Variants in CBL observed in about 807,000 individuals in gnomAD.
CBL encodes the protein E3 ubiquitin-protein ligase CBL.
Under a neutral mutation model 96.9 loss-of-function variants are expected in CBL, and 45 were observed. The observed-to-expected ratio is 0.46, with a 90% confidence interval of 0.37 to 0.60. The LOEUF is 0.60. CBL is among the 20% of genes least tolerant of loss of function. The pLI, the probability that CBL is intolerant of heterozygous loss-of-function variation, is 0.00. For synonymous variants in CBL, 420 were observed against 426.8 expected (o/e 0.98, Z 0.20); for missense variants, 1,024 against 1,143.5 (o/e 0.90, Z 1.51).
At chr11:119,210,603 A>ATTTTTTTTT (rs768564444) in intron 1 of CBL, among the ~76,000 whole-genome samples, 3 of 98,650 alleles carry the variant, frequency 3.0e-5, no homozygotes, top group African/African-American at 4.3e-5. Context: ...TAATTTTTCA[A>ATTTTTTTTT]TTTTTTTTTT....
intron 1 of CBL, 34 bp downstream of exon 1, chr11:119,206,646 G>A: frequency 6.5e-7 from 1 of 1,538,846 alleles, no homozygotes; most frequent in Non-Finnish European, 8.8e-7. Context: ...CTGTTGCAGG[G>A]TGGGCGTGGG....
chr11:119,276,356 T>G (rs1036327632), intron 6 of CBL, among the ~76,000 whole-genome samples: 2 of 152,190 alleles, frequency 1.3e-5, no homozygotes, highest in Admixed American at 6.5e-5. Flanking sequence ...GTTATTACCA[T>G]AAATAAACTT....
chr11:119,287,747 G>A (rs1949994715), intron 11 of CBL, 105 bp from the exon 12 acceptor site: 2 of 782,738 alleles, frequency 2.6e-6, no homozygotes, highest in African/African-American at 3.4e-5. Context: ...ATGGCATTGA[G>A]AGTTAGGTTT....
At chr11:119,209,352 T>A (rs1030762230) in intron 1 of CBL, among the ~76,000 whole-genome samples, 4 of 152,220 alleles carry the variant, frequency 2.6e-5, no homozygotes, top group African/African-American at 9.6e-5. Context: ...GCCCCGTGGC[T>A]CACGCTTGTA....
chr11:119,280,563 C>G (rs1949925311), intron 9 of CBL, among the ~76,000 whole-genome samples: 1 of 151,940 alleles, frequency 6.6e-6, no homozygotes, highest in African/African-American at 2.4e-5. Flanking sequence ...TTTTAATATA[C>G]TGAATCTACT....
chr11:119,217,963 G>A (rs536760509), intron 1 of CBL, among the ~76,000 whole-genome samples: 2 of 152,156 alleles, frequency 1.3e-5, no homozygotes, highest in African/African-American at 2.4e-5. Flanking sequence ...TTTAGTCCCA[G>A]ATACTCAGGA....
rs1282405252 is a variant in CBL, at chr11:119,278,607, T to G, written c.1325T>G (p.Leu442Arg). ...TTTGATCCTAGAGGGAGTGGCAGCC[T>G]GTTGAGGCAAGGAGCAGAGGGAGCT... ...DPFDPRGSGS[L>R]LRQGAEGAPS... is the part of the protein sequence containing the mutation. The change falls in exon 9 of 16, where the codon CTG becomes CGG. Residue 442 changes from leucine to arginine, a missense_variant. Around this residue, in one of 4 missense-constraint regions of CBL, gnomAD observed 695 missense variants for 661.6 expected, o/e 1.05. Coordinates refer to ENST00000264033, the MANE Select transcript of CBL (RefSeq NM_005188.4). 6.2e-7 allele frequency: 1 copy of G among 1,614,036 alleles called. No homozygotes were observed. The highest frequency in any genetic ancestry group is 1.1e-5 in the South Asian group (1 of 91,080).
chr11:119,236,920 G>T (rs968148286), intron 2 of CBL, among the ~76,000 whole-genome samples: 1 of 152,042 alleles, frequency 6.6e-6, no homozygotes, highest in African/African-American at 2.4e-5. Context: ...TCAGTTACTG[G>T]CAGTCAACCA....
At chr11:119,297,580 C>G in intron 14 of CBL, 99 bp downstream of exon 14, 1 of 886,372 alleles carries the variant, frequency 1.1e-6, no homozygotes, top group Admixed American at 1.9e-5. Context: ...GCTCAAAATT[C>G]TTCTGTAGCT....
In CBL at chr11:119,285,337, A is replaced by T; in HGVS notation, c.1712A>T (p.Asp571Val). 6.2e-7 allele frequency: 1 copy of T among 1,614,132 alleles called. No homozygotes were observed. ...CGCCCCTTGCCTTGTACACCAGGCG[A>T]CTGTCCCTCCAGAGACAAACTGCCC... ...QRRPLPCTPG[D>V]CPSRDKLPPV... The change falls in exon 11 of 16, where the codon GAC becomes GTC. Residue 571 changes from aspartate (D) to valine (V), a missense_variant. By Grantham distance (152) the Asp-to-Val change is radical. Around this residue, in one of 4 missense-constraint regions of CBL, gnomAD observed 695 missense variants for 661.6 expected, o/e 1.05. Coordinates refer to ENST00000264033, the MANE Select transcript of CBL (RefSeq NM_005188.4).
chr11:119,239,758 T>G (rs1420324091), intron 2 of CBL, among the ~76,000 whole-genome samples: 1 of 152,080 alleles, frequency 6.6e-6, no homozygotes, highest in Non-Finnish European at 1.5e-5. Context: ...TCCTTACATG[T>G]CTTGTTTTTC....
intron 1 of CBL, among the ~76,000 whole-genome samples, chr11:119,216,313 C>CCCT (rs1166756587): frequency 6.6e-6 from 1 of 151,958 alleles, no homozygotes. Flanking sequence ...CTAACTCCTG[C>CCCT]CCTCCTCCTC....
chr11:119,282,026 G>A (rs1592403099), intron 9 of CBL, among the ~76,000 whole-genome samples: 1 of 151,994 alleles, frequency 6.6e-6, no homozygotes, highest in South Asian at 2.1e-4. Context: ...CTTTTCTGGA[G>A]CCTTATATGC....
intron 9 of CBL, among the ~76,000 whole-genome samples, chr11:119,283,087 C>T (rs544083460): frequency 6.6e-6 from 1 of 152,086 alleles, no homozygotes; most frequent in Non-Finnish European, 1.5e-5. Flanking sequence ...AGAGCAAGAC[C>T]CTGTCTCCCA....
At chr11:119,265,636 A>G (rs1391277992) in intron 2 of CBL, among the ~76,000 whole-genome samples, 1 of 152,200 alleles carries the variant, frequency 6.6e-6, no homozygotes, top group Non-Finnish European at 1.5e-5. Context: ...CTGTAATCCC[A>G]GCACTTTGGG....
rs1555227256 is a variant in CBL at position 119,242,757 on chromosome 11, A to AAG, written c.443+10063_443+10064insGA. ...CTGACTCTTTAAAAAAAAAAAAAAA[A>AAG]AAAAGAAACCAGTTTGCTAGGCCTA... On this transcript the variant is annotated intron_variant, in intron 2 of 15. Transcript: ENST00000264033. 7.2e-4 allele frequency among the ~76,000 whole-genome samples: 109 copies of AAG among 151,238 alleles called. 1 individual carries two copies. Among genetic ancestry groups the AAG allele is most frequent in the African/African-American group, 2.5e-3 (105 of 41,240 alleles).
At chr11:119,255,680 T>C (rs1210758887) in intron 2 of CBL, among the ~76,000 whole-genome samples, 4 of 152,154 alleles carry the variant, frequency 2.6e-5, no homozygotes, top group African/African-American at 9.7e-5. Context: ...AAATGAGTTA[T>C]TTATCTTCCT....
intron 2 of CBL, among the ~76,000 whole-genome samples, chr11:119,260,010 A>G (rs1290147713): frequency 4.6e-5 from 7 of 152,334 alleles, no homozygotes; most frequent in Non-Finnish European, 1.0e-4. Flanking sequence ...AGAGATGCCA[A>G]CAATCTTACA....
At chr11:119,261,014 G>A (rs371587467) in intron 2 of CBL, among the ~76,000 whole-genome samples, 2 of 141,368 alleles carry the variant, frequency 1.4e-5, no homozygotes, top group Non-Finnish European at 3.0e-5. Context: ...CCAGGTTCAA[G>A]CGATTCTGAT....
Sources: allele counts gnomAD v4.1 joint callset (sites outside exome capture counted in the v4.1 genomes callset), GRCh38; gene constraint gnomAD v4.1.1; regional missense constraint gnomAD v4.1.1; transcripts MANE v1.5; gene names NCBI Gene and HGNC (gene_info 2026-07-23, HGNC 2026-07-21).